Variants in ILRUN observed in about 807,000 individuals in gnomAD.
ILRUN encodes inflammation and lipid regulator with UBA-like and NBR1-like domains.
In ILRUN, 3 loss-of-function variants were observed where a neutral mutation model predicts 33.8. The ratio of observed to expected loss-of-function variants is 0.09; its 90% CI spans 0.04 to 0.23. ILRUN has a LOEUF of 0.23. Ranked by LOEUF, ILRUN falls within the 10% of genes least tolerant of loss-of-function variation. The pLI is 1.00. For synonymous variants in ILRUN, 124 were observed against 138.9 expected, an observed-to-expected ratio of 0.89 and a Z score of 0.75; for missense variants, 210 against 375.1, an observed-to-expected ratio of 0.56 and a Z score of 3.64.
rs1288369229 is a variant in ILRUN at position 34,595,277 on chromosome 6, T to G, written c.862-4677A>C. Among the ~76,000 whole-genome samples, 4 of 152,234 alleles carry G rather than the reference T, an allele frequency of 2.6e-5. No individual in the cohort carries two copies. The South Asian group carries it at 8.3e-4, about 32-fold the overall frequency. On this transcript the variant is annotated intron_variant, in intron 4 of 4. Transcript: ENST00000374023. ...GTAAACCTGCAATATCTTAGAGTCC[T>G]TTCTAAAATTATACAGAAGTCAAAA...
At chr6:34,633,140 A>T (rs754275115) in intron 3 of ILRUN, among the ~76,000 whole-genome samples, 4 of 152,236 alleles carry the variant, frequency 2.6e-5, no homozygotes, top group Non-Finnish European at 5.9e-5. Context: ...TGGCTATACT[A>T]GTATCAAAGT....
intron 1 of ILRUN, among the ~76,000 whole-genome samples, chr6:34,683,510 A>ACG (rs1562033346): frequency 0.012 from 1,107 of 92,572 alleles, 22 homozygotes; most frequent in African/African-American, 0.021. Context: ...ATATATATAT[A>ACG]TATACATATA....
chr6:34,627,571 T>G (rs78200912), intron 3 of ILRUN, among the ~76,000 whole-genome samples: 1 of 152,210 alleles, frequency 6.6e-6, no homozygotes, highest in Non-Finnish European at 1.5e-5. Context: ...AATAGGTATA[T>G]AGTGATATCT....
At chr6:34,680,477 T>C (rs988866126) in intron 1 of ILRUN, among the ~76,000 whole-genome samples, 1 of 152,184 alleles carries the variant, frequency 6.6e-6, no homozygotes, top group Non-Finnish European at 1.5e-5. Flanking sequence ...TTTTTTGTTT[T>C]TTTTGGAGAC....
At chr6:34,652,969 C>T (rs763421794) in intron 2 of ILRUN, among the ~76,000 whole-genome samples, 2 of 151,634 alleles carry the variant, frequency 1.3e-5, no homozygotes, top group Non-Finnish European at 2.9e-5. Context: ...CAATGAAACC[C>T]TATTTCTACA....
intron 4 of ILRUN, among the ~76,000 whole-genome samples, chr6:34,599,619 C>A (rs1294259810): frequency 1.3e-5 from 2 of 152,044 alleles, no homozygotes; most frequent in African/African-American, 2.4e-5. Context: ...GAAACCCTGA[C>A]CTCCTCTCAT....
At chr6:34,633,575 G>A (rs1057119378) in intron 3 of ILRUN, among the ~76,000 whole-genome samples, 3 of 151,998 alleles carry the variant, frequency 2.0e-5, no homozygotes, top group Non-Finnish European at 2.9e-5. Flanking sequence ...AAATCAGCCA[G>A]TGTGGTAGCT....
intron 4 of ILRUN, among the ~76,000 whole-genome samples, chr6:34,598,440 CT>C: frequency 6.6e-6 from 1 of 152,326 alleles, no homozygotes; most frequent in South Asian, 2.1e-4. Flanking sequence ...TTGAATTATA[CT>C]TTATCTGTTT....
At chr6:34,609,521 A>G (rs1362817931) in intron 3 of ILRUN, among the ~76,000 whole-genome samples, 3 of 152,122 alleles carry the variant, frequency 2.0e-5, no homozygotes, top group Non-Finnish European at 4.4e-5. Flanking sequence ...ATCTTAAAGT[A>G]TCATACAACC....
At chr6:34,652,538 A>G (rs1582080559) in intron 2 of ILRUN, among the ~76,000 whole-genome samples, 1 of 152,240 alleles carries the variant, frequency 6.6e-6, no homozygotes, top group East Asian at 1.9e-4. Flanking sequence ...ACATTCTTAC[A>G]TAAAAGGCTG....
intron 1 of ILRUN, among the ~76,000 whole-genome samples, chr6:34,669,193 G>C (rs181011817): frequency 2.6e-5 from 4 of 151,798 alleles, no homozygotes; most frequent in Non-Finnish European, 2.9e-5. Flanking sequence ...GCATGATTAT[G>C]GCTCACTGTA....
chr6:34,646,553 G>C lies in ILRUN; in HGVS notation c.511+48C>G. 6.3e-7 allele frequency: 1 copy of C among 1,580,328 alleles called. No homozygotes were observed. Among genetic ancestry groups the C allele is most frequent in the Non-Finnish European group, 8.7e-7 (1 of 1,153,372 alleles). ...GTGAGCAACACTGGGGATGTTATAA[G>C]ATGTTACCTTAGTTCCTTTACCCTG... On this transcript the variant is annotated intron_variant, in intron 3 of 4. Coordinates refer to ENST00000374023, the MANE Select transcript of ILRUN (RefSeq NM_024294.4). This position sits in a 1 kb window ranked among gnomAD's most constrained non-coding sequence, Gnocchi z 4.9.
intron 3 of ILRUN, among the ~76,000 whole-genome samples, chr6:34,620,387 C>T (rs1364097662): frequency 6.6e-6 from 1 of 152,168 alleles, no homozygotes; most frequent in Non-Finnish European, 1.5e-5. Context: ...AAACTGCTTA[C>T]TGTGTTGCCC....
intron 3 of ILRUN, among the ~76,000 whole-genome samples, chr6:34,614,503 T>TTATA (rs57837585): frequency 1.3e-4 from 18 of 141,926 alleles, no homozygotes; most frequent in Non-Finnish European, 2.1e-4. Flanking sequence ...ATATTATATT[T>TTATA]TATATATATA....
intron 2 of ILRUN, among the ~76,000 whole-genome samples, chr6:34,649,594 A>G (rs1397060366): frequency 2.0e-5 from 3 of 152,248 alleles, no homozygotes; most frequent in African/African-American, 7.2e-5. Flanking sequence ...AGATGGTAGC[A>G]AGCATCACAA....
intron 1 of ILRUN, among the ~76,000 whole-genome samples, chr6:34,675,610 G>GA (rs1427367034): frequency 6.6e-6 from 1 of 152,054 alleles, no homozygotes; most frequent in Non-Finnish European, 1.5e-5. Context: ...AATCAAAAAG[G>GA]AAAAGACTGC....
At chr6:34,654,382 T>A (rs1762729989) in intron 2 of ILRUN, among the ~76,000 whole-genome samples, 1 of 152,222 alleles carries the variant, frequency 6.6e-6, no homozygotes, top group South Asian at 2.1e-4. Context: ...TGGATTGTGT[T>A]TAGATGCCAT....
intron 3 of ILRUN, among the ~76,000 whole-genome samples, chr6:34,622,577 T>C (rs1446871193): frequency 2.6e-5 from 4 of 152,110 alleles, no homozygotes; most frequent in Admixed American, 6.6e-5. Flanking sequence ...GGTGAAAGCT[T>C]TTGCTTCCTA....
intron 1 of ILRUN, among the ~76,000 whole-genome samples, chr6:34,693,673 T>A (rs796823908): frequency 8.0e-6 from 1 of 124,924 alleles, no homozygotes; most frequent in Admixed American, 8.4e-5. Flanking sequence ...TTTTATTTTA[T>A]TTTTTTTTTT....
Sources: allele counts gnomAD v4.1 joint callset (sites outside exome capture counted in the v4.1 genomes callset), GRCh38; gene constraint gnomAD v4.1.1; non-coding constraint Gnocchi (gnomAD v3.1); transcripts MANE v1.5; gene names NCBI Gene and HGNC (gene_info 2026-07-23, HGNC 2026-07-21).